Variants in PLXDC2 observed in about 807,000 individuals in gnomAD.
PLXDC2 encodes plexin domain containing 2.
A neutral mutation model predicts 68.9 loss-of-function variants in PLXDC2; 40 were observed. That is an observed-to-expected ratio of 0.58 (90% confidence interval 0.45 to 0.76). The LOEUF (loss-of-function observed/expected upper bound fraction) is 0.76, where lower values mean the gene tolerates loss of function less well. Among genes scored for constraint, PLXDC2 ranks in the 30% least tolerant of loss-of-function variants. The probability of loss-of-function intolerance (pLI) is 0.00; values close to 1 mark genes in which losing one functional copy is unlikely to be tolerated. For synonymous variants in PLXDC2, 243 were observed against 234.2 expected (o/e 1.04, Z -0.34); for missense variants, 644 against 661.9 (o/e 0.97, Z 0.30).
chr10:20,118,141 C>T (rs1009177557), intron 4 of PLXDC2, among the ~76,000 whole-genome samples: 1 of 151,168 alleles, frequency 6.6e-6, no homozygotes, highest in Non-Finnish European at 1.5e-5. Flanking sequence ...CACACACAGA[C>T]ACACACACAC....
intron 4 of PLXDC2, among the ~76,000 whole-genome samples, chr10:20,106,542 C>G (rs1347474032): frequency 6.6e-6 from 1 of 152,172 alleles, no homozygotes; most frequent in African/African-American, 2.4e-5. Context: ...CCAAGCCTCT[C>G]ATTGGCAATG....
intron 1 of PLXDC2, among the ~76,000 whole-genome samples, chr10:19,851,592 C>G (rs913493575): frequency 3.9e-5 from 6 of 152,140 alleles, no homozygotes; most frequent in African/African-American, 1.4e-4. Flanking sequence ...GTTACCCAGG[C>G]TGGAGTGCAG....
At chr10:20,039,017 T>C (rs1036707747) in intron 2 of PLXDC2, among the ~76,000 whole-genome samples, 1 of 152,180 alleles carries the variant, frequency 6.6e-6, no homozygotes, top group East Asian at 1.9e-4. Flanking sequence ...AAGGCCACAC[T>C]GAAATGAACT....
At chr10:20,131,290 T>G (rs577540533) in intron 4 of PLXDC2, among the ~76,000 whole-genome samples, 1 of 152,244 alleles carries the variant, frequency 6.6e-6, no homozygotes, top group South Asian at 2.1e-4. Context: ...TTCCAGAAAT[T>G]TATACACTGC....
chr10:20,100,646 G>A (rs556101161), intron 4 of PLXDC2, among the ~76,000 whole-genome samples: 1 of 152,282 alleles, frequency 6.6e-6, no homozygotes, highest in South Asian at 2.1e-4. Flanking sequence ...TTGGCCTGCA[G>A]AGTAATTGAT....
At chr10:20,083,625 T>C (rs895876207) in intron 4 of PLXDC2, among the ~76,000 whole-genome samples, 7 of 152,240 alleles carry the variant, frequency 4.6e-5, no homozygotes, top group African/African-American at 4.8e-5. Context: ...TATGTATTTG[T>C]CAAACAAAAT....
At chr10:20,244,051 C>T (rs759737849) in intron 12 of PLXDC2, among the ~76,000 whole-genome samples, 8 of 150,836 alleles carry the variant, frequency 5.3e-5, no homozygotes, top group Non-Finnish European at 1.2e-4. Flanking sequence ...GACGACAGAG[C>T]GAGATTCCCA....
intron 1 of PLXDC2, among the ~76,000 whole-genome samples, chr10:19,859,920 C>T (rs774740148): frequency 6.6e-6 from 1 of 152,014 alleles, no homozygotes; most frequent in Non-Finnish European, 1.5e-5. Context: ...TTAGTGGAAA[C>T]GAGGTTTCAC....
At chr10:20,136,877 T>C (rs1833940122) in intron 4 of PLXDC2, among the ~76,000 whole-genome samples, 1 of 152,224 alleles carries the variant, frequency 6.6e-6, no homozygotes, top group South Asian at 2.1e-4. Flanking sequence ...CACAAGCAAT[T>C]ATAGCTTCTT....
At chr10:19,945,378 C>G (rs138136495) in intron 1 of PLXDC2, among the ~76,000 whole-genome samples, 4 of 152,174 alleles carry the variant, frequency 2.6e-5, no homozygotes, top group African/African-American at 9.7e-5. Flanking sequence ...TTGTAGCAGA[C>G]CAAAGTCATG....
chr10:20,200,505 C>T (rs1055988694), intron 9 of PLXDC2, among the ~76,000 whole-genome samples: 17 of 151,936 alleles, frequency 1.1e-4, no homozygotes, highest in Admixed American at 1.3e-4. Flanking sequence ...TTAAAAATTA[C>T]CTCTTACCAA....
At chr10:20,016,085 G>A (rs866135701) in intron 2 of PLXDC2, among the ~76,000 whole-genome samples, 17 of 152,198 alleles carry the variant, frequency 1.1e-4, no homozygotes, top group Middle Eastern at 3.4e-3. Context: ...TCTGGATATC[G>A]CTCCAAACCA....
At chr10:19,901,995 T>C (rs1838168875) in intron 1 of PLXDC2, among the ~76,000 whole-genome samples, 1 of 152,172 alleles carries the variant, frequency 6.6e-6, no homozygotes, top group Non-Finnish European at 1.5e-5. Context: ...AGTATTTGGC[T>C]TTATTTCTGA....
intron 1 of PLXDC2, among the ~76,000 whole-genome samples, chr10:19,933,378 G>C (rs1833671618): frequency 6.6e-6 from 1 of 152,170 alleles, no homozygotes; most frequent in Admixed American, 6.5e-5. Context: ...GCTCATGCCT[G>C]TAATTCCAGC....
At chr10:20,271,012 A>C (rs1835932990) in intron 13 of PLXDC2, among the ~76,000 whole-genome samples, 1 of 151,944 alleles carries the variant, frequency 6.6e-6, no homozygotes. Context: ...ATATGGAACT[A>C]GTAGTAGAAG....
intron 10 of PLXDC2, among the ~76,000 whole-genome samples, chr10:20,212,193 T>G (rs1413597666): frequency 3.3e-5 from 5 of 152,028 alleles, no homozygotes; most frequent in Admixed American, 6.6e-5. Flanking sequence ...TCTTAAATGC[T>G]TGCTATTTTT....
intron 1 of PLXDC2, among the ~76,000 whole-genome samples, chr10:19,992,078 T>C (rs1439315478): frequency 6.6e-6 from 1 of 152,224 alleles, no homozygotes; most frequent in Non-Finnish European, 1.5e-5. Flanking sequence ...TAGTTGATTG[T>C]TGTGCTCTGG....
intron 1 of PLXDC2, among the ~76,000 whole-genome samples, chr10:19,904,362 C>T (rs1838207221): frequency 6.6e-6 from 1 of 152,022 alleles, no homozygotes; most frequent in Non-Finnish European, 1.5e-5. Flanking sequence ...TTATGGTTGC[C>T]TCTGCTGAGT....
intron 4 of PLXDC2, among the ~76,000 whole-genome samples, chr10:20,112,786 A>T (rs1214724506): frequency 2.0e-5 from 3 of 152,244 alleles, no homozygotes; most frequent in African/African-American, 4.8e-5. Context: ...CGTGGAATAT[A>T]TGTGCTGTAG....
Sources: allele counts gnomAD v4.1 joint callset (sites outside exome capture counted in the v4.1 genomes callset), GRCh38; gene constraint gnomAD v4.1.1; transcripts MANE v1.5; gene names NCBI Gene and HGNC (gene_info 2026-07-23, HGNC 2026-07-21).